Variants in SYT16 observed in about 807,000 individuals in gnomAD.
SYT16 encodes synaptotagmin 16, also known as synaptotagmin-16.
A neutral mutation model predicts 61.4 loss-of-function variants in SYT16; 42 were observed. The observed-to-expected ratio is 0.68, with a 90% confidence interval of 0.53 to 0.89. The LOEUF is 0.89. Ranked by LOEUF, SYT16 falls within the 40% of genes least tolerant of loss-of-function variation. SYT16 has a pLI of 0.00. For missense variants in SYT16, 804 were observed against 807.3 expected (o/e 1.00, Z 0.05); for synonymous variants, 314 against 302.3 (o/e 1.04, Z -0.40).
chr14:61,991,020 T>G (rs1280946342), intron 2 of SYT16, among the ~76,000 whole-genome samples: 1 of 152,146 alleles, frequency 6.6e-6, no homozygotes, highest in African/African-American at 2.4e-5. Context: ...TTTAAGAATA[T>G]ATTTATTTAT....
intron 3 of SYT16, among the ~76,000 whole-genome samples, chr14:62,039,307 A>G (rs1363791849): frequency 6.6e-6 from 1 of 152,232 alleles, no homozygotes; most frequent in South Asian, 2.1e-4. Flanking sequence ...TGCCTTGGTC[A>G]TTATGAATAG....
intron 7 of SYT16, among the ~76,000 whole-genome samples, chr14:62,092,173 AACACACAC>A (rs56324432): frequency 0.072 from 9,508 of 131,162 alleles, 707 homozygotes; most frequent in African/African-American, 0.19. Context: ...TGGCTACTAT[AACACACAC>A]ACACACACAC....
At chr14:61,964,920 G>A (rs1402612648) in intron 1 of SYT16, among the ~76,000 whole-genome samples, 3 of 151,096 alleles carry the variant, frequency 2.0e-5, no homozygotes, top group Admixed American at 6.6e-5. Flanking sequence ...TAGCAATAAA[G>A]TATTTTTAAT....
At chr14:61,945,682 C>T (rs1163973709) in intron 1 of SYT16, among the ~76,000 whole-genome samples, 7 of 151,670 alleles carry the variant, frequency 4.6e-5, no homozygotes, top group African/African-American at 1.2e-4. Context: ...AGTGAAACCC[C>T]GTCTCTACTA....
intron 3 of SYT16, among the ~76,000 whole-genome samples, chr14:62,044,833 T>A (rs574112326): frequency 1.8e-4 from 27 of 152,332 alleles, no homozygotes; most frequent in Non-Finnish European, 3.7e-4. Flanking sequence ...CAGCGACAAC[T>A]ATTTTTAATA....
At chr14:61,832,376 G>T in intron 1 of SYT16, 1 of 552,336 alleles carries the variant, frequency 1.8e-6, no homozygotes, top group Non-Finnish European at 3.6e-6. Flanking sequence ...ACATTCTGCC[G>T]CAGCTGCCCC....
chr14:61,971,948 G>A (rs1174202545), intron 2 of SYT16, among the ~76,000 whole-genome samples: 1 of 152,220 alleles, frequency 6.6e-6, no homozygotes, highest in East Asian at 1.9e-4. Flanking sequence ...TTTGGCCATG[G>A]GGTGGTATGA....
intron 4 of SYT16, among the ~76,000 whole-genome samples, chr14:62,071,527 G>T (rs1314378987): frequency 6.6e-6 from 1 of 152,154 alleles, no homozygotes; most frequent in Non-Finnish European, 1.5e-5. Context: ...AGATTTTGAA[G>T]AAAATCAGCA....
At chr14:62,022,859 A>C (rs1329675909) in intron 3 of SYT16, among the ~76,000 whole-genome samples, 1 of 152,090 alleles carries the variant, frequency 6.6e-6, no homozygotes, top group African/African-American at 2.4e-5. Context: ...TCTTAATTTT[A>C]GTTATAGAAT....
chr14:61,860,592 T>C (rs2046932377), intron 1 of SYT16, among the ~76,000 whole-genome samples: 2 of 152,220 alleles, frequency 1.3e-5, no homozygotes, highest in South Asian at 4.1e-4. Context: ...AACATTTTTA[T>C]TGTATTTTTA....
At chr14:62,033,010 A>G (rs2054366647) in intron 3 of SYT16, among the ~76,000 whole-genome samples, 1 of 128,688 alleles carries the variant, frequency 7.8e-6, no homozygotes, top group African/African-American at 3.6e-5. Context: ...AAACTTTGAA[A>G]AACATTTCAT....
chr14:61,885,175 TAG>T (rs1273993538), intron 1 of SYT16, among the ~76,000 whole-genome samples: 1 of 152,084 alleles, frequency 6.6e-6, no homozygotes, highest in African/African-American at 2.4e-5. Flanking sequence ...GGTAGTGGAG[TAG>T]AGAGTAAGAT....
At chr14:61,824,187 T>A (rs1453782492) in intron 1 of SYT16, among the ~76,000 whole-genome samples, 1 of 152,180 alleles carries the variant, frequency 6.6e-6, no homozygotes, top group Non-Finnish European at 1.5e-5. Context: ...CCATTCAGAA[T>A]CCGTCACTCA....
intron 3 of SYT16, among the ~76,000 whole-genome samples, chr14:62,022,401 G>A (rs1357198612): frequency 6.6e-6 from 1 of 151,832 alleles, no homozygotes; most frequent in African/African-American, 2.4e-5. Flanking sequence ...CATTCTTATT[G>A]TTCTTTTGAA....
chr14:61,988,015 C>T (rs2052391306), intron 2 of SYT16, among the ~76,000 whole-genome samples: 1 of 152,042 alleles, frequency 6.6e-6, no homozygotes, highest in South Asian at 2.1e-4. Context: ...CCTATTGTGT[C>T]TGCATTTTGC....
At chr14:61,835,250 A>ATTTTTTT (rs11378872) in intron 1 of SYT16, among the ~76,000 whole-genome samples, 5 of 110,774 alleles carry the variant, frequency 4.5e-5, no homozygotes, top group East Asian at 2.8e-4. Flanking sequence ...TGAAAGGTGA[A>ATTTTTTT]TTTTTTTTTT....
chr14:62,088,524 A>G (rs1266697310), intron 7 of SYT16, among the ~76,000 whole-genome samples: 3 of 152,192 alleles, frequency 2.0e-5, no homozygotes, highest in Non-Finnish European at 1.5e-5. Context: ...TTTTTTATCT[A>G]TATATTGATA....
At chr14:61,846,264 C>T (rs1257376336) in intron 1 of SYT16, among the ~76,000 whole-genome samples, 1 of 152,024 alleles carries the variant, frequency 6.6e-6, no homozygotes, top group African/African-American at 2.4e-5. Context: ...TAGAGCACTC[C>T]ACTTATTATT....
At chr14:61,814,100 G>A (rs779508900) in intron 1 of SYT16, among the ~76,000 whole-genome samples, 1 of 152,110 alleles carries the variant, frequency 6.6e-6, no homozygotes, top group Non-Finnish European at 1.5e-5. Flanking sequence ...AGTAAATGGT[G>A]GTTGTCCTCT....
Sources: allele counts gnomAD v4.1 joint callset (sites outside exome capture counted in the v4.1 genomes callset), GRCh38; gene constraint gnomAD v4.1.1; transcripts MANE v1.5; gene names NCBI Gene and HGNC (gene_info 2026-07-23, HGNC 2026-07-21).